GDPD1: variants seen among roughly 807,000 people sequenced by gnomAD.
The protein encoded by GDPD1 is glycerophosphodiester phosphodiesterase domain containing 1, also known as lysophospholipase D GDPD1.
GDPD1 carries 28 observed loss-of-function variants against 45.1 expected under a neutral mutation model. The observed-to-expected ratio is 0.62, with a 90% CI of 0.46 to 0.85. The LOEUF (loss-of-function observed/expected upper bound fraction) is 0.85, where lower values mean the gene tolerates loss of function less well. GDPD1 is among the 40% of genes least tolerant of loss of function. The probability of loss-of-function intolerance (pLI) is 0.00; values close to 1 mark genes in which losing one functional copy is unlikely to be tolerated. For missense variants in GDPD1, 256 were observed against 364.8 expected, an observed-to-expected ratio of 0.70 and a Z score of 2.43; for synonymous variants, 139 against 131.4, an observed-to-expected ratio of 1.06 and a Z score of -0.40.
At chr17:59,252,116 C>T (rs1212841914) in intron 4 of GDPD1, among the ~76,000 whole-genome samples, 1 of 144,276 alleles carries the variant, frequency 6.9e-6, no homozygotes, top group Non-Finnish European at 1.5e-5. Flanking sequence ...CCAGGCTGGG[C>T]ACGGTGGCTC....
intron 4 of GDPD1, among the ~76,000 whole-genome samples, chr17:59,253,864 T>C (rs2047275066): frequency 6.6e-6 from 1 of 152,098 alleles, no homozygotes; most frequent in Admixed American, 6.6e-5. Flanking sequence ...CAGTGGGTAC[T>C]GTGGTGACAG....
intron 3 of GDPD1, 111 bp from the exon 4 acceptor site, chr17:59,248,629 G>A: frequency 1.4e-6 from 1 of 740,214 alleles, no homozygotes; most frequent in South Asian, 1.8e-5. Context: ...CTAGTAAAGT[G>A]TTTTAGTCTT....
intron 2 of GDPD1, among the ~76,000 whole-genome samples, chr17:59,237,273 A>C (rs1230657333): frequency 6.6e-6 from 1 of 152,046 alleles, no homozygotes; most frequent in Non-Finnish European, 1.5e-5. Context: ...GTGGTGGTGC[A>C]AGCTGTAGTC....
At chr17:59,222,666 C>T (rs2047015810) in intron 1 of GDPD1, among the ~76,000 whole-genome samples, 1 of 151,874 alleles carries the variant, frequency 6.6e-6, no homozygotes, top group Non-Finnish European at 1.5e-5. Flanking sequence ...AGGCTCCCGC[C>T]ACCACGCACA....
chr17:59,266,213 CA>C lies in GDPD1; in HGVS notation c.577-827del, dbSNP rs1389308277. 2.7e-4 allele frequency among the ~76,000 whole-genome samples: 41 copies of C among 151,768 alleles called. 1 individual carries two copies. Among genetic ancestry groups the C allele is most frequent in the African/African-American group, 9.7e-4 (40 of 41,404 alleles). ...ACCAGCCTGGCCAACATGGTGAAAC[CA>C]CATCTCTACTAAAACTACAAAAAAT... On this transcript the variant is annotated intron_variant, in intron 6 of 9. Coordinates refer to ENST00000284116, the MANE Select transcript of GDPD1 (RefSeq NM_182569.4).
At chr17:59,255,892 C>CAT (rs1333535601) in intron 4 of GDPD1, among the ~76,000 whole-genome samples, 3 of 130,780 alleles carry the variant, frequency 2.3e-5, no homozygotes, top group East Asian at 2.2e-4. Flanking sequence ...CACACACACA[C>CAT]ATATATATAT....
At chr17:59,242,779 C>A (rs564325884) in intron 2 of GDPD1, among the ~76,000 whole-genome samples, 2 of 152,322 alleles carry the variant, frequency 1.3e-5, no homozygotes, top group South Asian at 4.1e-4. Flanking sequence ...GCTCCCACCT[C>A]ATAGACTGAT....
intron 9 of GDPD1, 99 bp downstream of exon 9, chr17:59,272,935 G>T: frequency 6.2e-7 from 1 of 1,605,610 alleles, no homozygotes; most frequent in South Asian, 1.1e-5. Flanking sequence ...TTTGGCCCTT[G>T]ACTCTGATGC....
At chr17:59,269,211 C>A (rs1404223195) in intron 7 of GDPD1, among the ~76,000 whole-genome samples, 1 of 151,836 alleles carries the variant, frequency 6.6e-6, no homozygotes, top group African/African-American at 2.4e-5. Flanking sequence ...GCAAGAGAGT[C>A]GCTTGAACCC....
intron 2 of GDPD1, among the ~76,000 whole-genome samples, chr17:59,239,672 C>G (rs2047160529): frequency 6.6e-6 from 1 of 151,274 alleles, no homozygotes; most frequent in Non-Finnish European, 1.5e-5. Context: ...AAATATTTTT[C>G]AAATAATTCC....
At chr17:59,250,521 T>A (rs1181146051) in intron 4 of GDPD1, among the ~76,000 whole-genome samples, 1 of 146,192 alleles carries the variant, frequency 6.8e-6, no homozygotes, top group Non-Finnish European at 1.5e-5. Flanking sequence ...AGACTTGAGG[T>A]GGGAGAATCC....
At chr17:59,233,369 G>A (rs769480581) in intron 1 of GDPD1, among the ~76,000 whole-genome samples, 2 of 151,818 alleles carry the variant, frequency 1.3e-5, no homozygotes, top group African/African-American at 4.8e-5. Context: ...AAAATTAGCC[G>A]GGCGTGGTGG....
intron 5 of GDPD1, 35 bp from the exon 6 acceptor site, chr17:59,257,716 G>T (rs986628312): frequency 9.1e-6 from 12 of 1,324,556 alleles, no homozygotes; most frequent in Non-Finnish European, 1.3e-5. Flanking sequence ...TTTGCAAATA[G>T]GCACATGCAT....
At chr17:59,268,132 G>T (rs2047412710) in intron 7 of GDPD1, among the ~76,000 whole-genome samples, 1 of 152,032 alleles carries the variant, frequency 6.6e-6, no homozygotes, top group Non-Finnish European at 1.5e-5. Context: ...AGCTTTTATT[G>T]TTATCTTTGT....
intron 2 of GDPD1, among the ~76,000 whole-genome samples, chr17:59,242,010 G>T (rs1376687756): frequency 6.6e-6 from 1 of 152,154 alleles, no homozygotes; most frequent in African/African-American, 2.4e-5. Flanking sequence ...TGAATAAATT[G>T]ATGTCAATAA....
rs1362254257 is a variant in GDPD1, at chr17:59,245,401, T to C, written c.186-13T>C. On this transcript the variant is annotated splice_polypyrimidine_tract_variant and intron_variant, in intron 2 of 9. Coordinates refer to ENST00000284116, the MANE Select transcript of GDPD1 (RefSeq NM_182569.4). Reference sequence around the variant, plus strand: ...CTTAAGTGTCAGATGTCATTCTTCTTTTATTTCTTCAGTGCGGTTAAAATC... The same window carrying C: ...CTTAAGTGTCAGATGTCATTCTTCTCTTATTTCTTCAGTGCGGTTAAAATC... 5.6e-6 allele frequency: 9 copies of C among 1,602,164 alleles called. No individual in the cohort carries two copies. The highest frequency in any genetic ancestry group is 7.7e-6 in the Non-Finnish European group (9 of 1,174,890).
At chr17:59,243,332 T>A (rs143867085) in intron 2 of GDPD1, among the ~76,000 whole-genome samples, 674 of 152,078 alleles carry the variant, frequency 4.4e-3, no homozygotes, top group African/African-American at 0.015. Context: ...ATGGTAAAAC[T>A]CTGTCTTTAC....
At chr17:59,236,181 T>A (rs1242351174) in intron 2 of GDPD1, among the ~76,000 whole-genome samples, 1 of 152,188 alleles carries the variant, frequency 6.6e-6, no homozygotes, top group South Asian at 2.1e-4. Context: ...GGTTATACAA[T>A]AAGTTATTTT....
chr17:59,248,833 G>A (rs1328587393), intron 4 of GDPD1, 48 bp downstream of exon 4: 10 of 1,359,278 alleles, frequency 7.4e-6, no homozygotes, highest in Non-Finnish European at 1.0e-5. Flanking sequence ...AGAAGCATAT[G>A]TGTGTTTTCT....
Sources: gnomAD v4.1 joint callset for allele counts (sites outside exome capture counted in the v4.1 genomes callset) on GRCh38, gnomAD v4.1.1 for gene constraint, MANE v1.5 for transcripts, NCBI Gene and HGNC (gene_info 2026-07-23, HGNC 2026-07-21) for gene names.